The following FAM107B variants were observed in gnomAD, a reference collection of about 807,000 sequenced individuals.
The protein encoded by FAM107B is protein FAM107B.
Under a neutral mutation model 31.5 loss-of-function variants are expected in FAM107B, and 21 were observed. The ratio of observed to expected loss-of-function variants is 0.67; its 90% confidence interval spans 0.47 to 0.96. The LOEUF is 0.96. FAM107B is among the 40% of genes least tolerant of loss of function. FAM107B has a pLI of 0.00. For synonymous variants in FAM107B, 157 were observed against 141.5 expected, an observed-to-expected ratio of 1.11 and a Z score of -0.78; for missense variants, 452 against 377.1, an observed-to-expected ratio of 1.20 and a Z score of -1.64.
intron 3 of FAM107B, among the ~76,000 whole-genome samples, chr10:14,523,664 C>T (rs995367159): frequency 4.6e-5 from 7 of 152,110 alleles, no homozygotes; most frequent in African/African-American, 1.7e-4. Flanking sequence ...ATATGTGCTC[C>T]GGCCAGAGAA....
intron 1 of FAM107B, among the ~76,000 whole-genome samples, chr10:14,729,993 A>T (rs1016204733): frequency 6.6e-6 from 1 of 152,186 alleles, no homozygotes; most frequent in Non-Finnish European, 1.5e-5. Flanking sequence ...AACAATGAGA[A>T]CACATGGACA....
chr10:14,725,082 C>T (rs528237591), intron 1 of FAM107B, among the ~76,000 whole-genome samples: 1 of 152,320 alleles, frequency 6.6e-6, no homozygotes, highest in East Asian at 1.9e-4. Flanking sequence ...ACAGAAACAG[C>T]ACCTGAGGAC....
At chr10:14,654,905 A>G (rs1854003321) in intron 2 of FAM107B, among the ~76,000 whole-genome samples, 1 of 152,202 alleles carries the variant, frequency 6.6e-6, no homozygotes, top group Admixed American at 6.5e-5. Flanking sequence ...AAGAAGCTTG[A>G]GAATGCTACC....
intron 2 of FAM107B, among the ~76,000 whole-genome samples, chr10:14,560,444 C>A (rs3740120): frequency 3.3e-5 from 5 of 152,138 alleles, no homozygotes; most frequent in African/African-American, 7.2e-5. Context: ...CCTGGAGGCA[C>A]GAGTCAGCGA....
At chr10:14,530,195 T>G (rs1846803047) in intron 3 of FAM107B, 137 bp downstream of exon 3, 4 of 968,606 alleles carry the variant, frequency 4.1e-6, no homozygotes, top group East Asian at 5.3e-5. Flanking sequence ...TTCTAGGATG[T>G]GAGAAGGAAT....
intron 2 of FAM107B, among the ~76,000 whole-genome samples, chr10:14,559,300 C>T (rs1588584470): frequency 6.6e-6 from 1 of 152,180 alleles, no homozygotes; most frequent in South Asian, 2.1e-4. Context: ...GGACCAAGCG[C>T]GTGAGCCAGC....
At chr10:14,680,540 C>T (rs1854807415) in intron 1 of FAM107B, among the ~76,000 whole-genome samples, 1 of 149,172 alleles carries the variant, frequency 6.7e-6, no homozygotes, top group Non-Finnish European at 1.5e-5. Context: ...TGCCACTGCA[C>T]TCCAGCCTGG....
chr10:14,592,804 A>G (rs995587357), intron 2 of FAM107B, among the ~76,000 whole-genome samples: 1 of 152,266 alleles, frequency 6.6e-6, no homozygotes, highest in Non-Finnish European at 1.5e-5. Context: ...TAGCCTGGGC[A>G]GCTGACATGC....
chr10:14,617,113 A>C (rs1477378752), intron 2 of FAM107B, among the ~76,000 whole-genome samples: 2 of 152,116 alleles, frequency 1.3e-5, no homozygotes, highest in African/African-American at 2.4e-5. Flanking sequence ...GGAGTGAAGA[A>C]AAGGAAATAA....
rs376418616 is a variant in FAM107B, at chr10:14,568,625, G to A, written c.470-38110C>T. On this transcript the variant is annotated intron_variant, in intron 2 of 4. Coordinates refer to ENST00000181796, the MANE Select transcript of FAM107B (RefSeq NM_031453.4). ...GGTGAAGATACTCAGGTAGGAGGAGGGTGGCTGATCTCTGGGTTAGACCAG... is the reference window on the plus strand; with the variant it reads ...GGTGAAGATACTCAGGTAGGAGGAGAGTGGCTGATCTCTGGGTTAGACCAG... 7.3e-3 allele frequency among the ~76,000 whole-genome samples: 1,118 copies of A among 152,168 alleles called. 17 individuals are homozygous for A. The highest frequency in any genetic ancestry group is 9.7e-3 in the Non-Finnish European group (660 of 67,942).
intron 1 of FAM107B, among the ~76,000 whole-genome samples, chr10:14,763,645 C>T (rs1242258349): frequency 1.3e-5 from 2 of 152,134 alleles, no homozygotes; most frequent in South Asian, 2.1e-4. Flanking sequence ...ACAGCACTTC[C>T]GGAACTCTCA....
intron 2 of FAM107B, chr10:14,548,578 G>A: frequency 1.0e-6 from 1 of 985,384 alleles, no homozygotes; most frequent in Non-Finnish European, 1.2e-6. Context: ...AGCTGCCCCA[G>A]ATACACATGG....
rs922822598 is a variant in FAM107B, at chr10:14,617,817, C to A, written c.469+49817G>T. 4.9e-4 allele frequency among the ~76,000 whole-genome samples: 74 copies of A among 151,022 alleles called. 1 individual carries two copies. The highest frequency in any genetic ancestry group is 3.9e-3 in the Admixed American group (59 of 15,182). On this transcript the variant is annotated intron_variant, in intron 2 of 4. Transcript: ENST00000181796. The stretch of plus-strand genomic sequence containing the variant: ...GACCCAGAGTTTGGTGCCTAATTAC[C>A]ATGGTGGCGCATGCCTGTTTTCCCA...
At chr10:14,664,449 A>G (rs747938105) in intron 2 of FAM107B, among the ~76,000 whole-genome samples, 1 of 152,228 alleles carries the variant, frequency 6.6e-6, no homozygotes, top group Non-Finnish European at 1.5e-5. Flanking sequence ...CAGTGGACCC[A>G]TAAGAGTATA....
At chr10:14,632,470 G>A (rs1418128891) in intron 2 of FAM107B, among the ~76,000 whole-genome samples, 2 of 151,636 alleles carry the variant, frequency 1.3e-5, no homozygotes, top group African/African-American at 2.4e-5. Flanking sequence ...TATTAGCTGG[G>A]CGTGGTGGCG....
chr10:14,583,822 G>A (rs1240643707), intron 2 of FAM107B, among the ~76,000 whole-genome samples: 1 of 152,176 alleles, frequency 6.6e-6, no homozygotes, highest in Non-Finnish European at 1.5e-5. Context: ...GGCGAACCCT[G>A]TTGAGCGCTC....
At chr10:14,663,117 G>C (rs1009711242) in intron 2 of FAM107B, among the ~76,000 whole-genome samples, 1 of 152,226 alleles carries the variant, frequency 6.6e-6, no homozygotes, top group Admixed American at 6.5e-5. Context: ...TTACACCAGT[G>C]GTTTGCCAGG....
At chr10:14,653,327 A>G (rs994450608) in intron 2 of FAM107B, among the ~76,000 whole-genome samples, 5 of 152,226 alleles carry the variant, frequency 3.3e-5, no homozygotes, top group African/African-American at 4.8e-5. Context: ...CATGATTACC[A>G]TGCACACTGG....
chr10:14,561,473 A>T (rs182837330), intron 2 of FAM107B, among the ~76,000 whole-genome samples: 2 of 152,312 alleles, frequency 1.3e-5, no homozygotes, highest in African/African-American at 4.8e-5. Flanking sequence ...CAGACGGAGC[A>T]GCAAACACAG....
Sources: gnomAD v4.1 joint callset for allele counts (sites outside exome capture counted in the v4.1 genomes callset) on GRCh38, gnomAD v4.1.1 for gene constraint, MANE v1.5 for transcripts, NCBI Gene and HGNC (gene_info 2026-07-23, HGNC 2026-07-21) for gene names.